The following SPTSSB variants were observed in gnomAD, a reference collection of about 807,000 sequenced individuals.
SPTSSB encodes androgen down regulated in mouse prostate.
In SPTSSB, 6 loss-of-function variants were observed where a neutral mutation model predicts 7.7. That is an observed-to-expected ratio of 0.78 (90% CI 0.43 to 1.54). The LOEUF (loss-of-function observed/expected upper bound fraction) is 1.54, where lower values mean the gene tolerates loss of function less well. Among genes scored for constraint, SPTSSB ranks in the 40% most tolerant of loss-of-function variants. The pLI, the probability that SPTSSB is intolerant of heterozygous loss-of-function variation, is 0.01. For missense variants in SPTSSB, 91 were observed against 93.0 expected, an observed-to-expected ratio of 0.98 and a Z score of 0.09; for synonymous variants, 28 against 29.7, an observed-to-expected ratio of 0.94 and a Z score of 0.19.
rs1169281173 is a variant in SPTSSB at position 161,364,507 on chromosome 3, C to T, written c.-125-4613G>A. 2.0e-5 allele frequency among the ~76,000 whole-genome samples: 3 copies of T among 152,164 alleles called. No homozygotes were observed. The East Asian group carries it at 5.8e-4, about 29-fold the overall frequency. ...TGTTGGTCACAAGTTAGCTTTTCATCTCATTTAGTTGGTAATAGATAACTC... is the reference window on the plus strand; with the variant it reads ...TGTTGGTCACAAGTTAGCTTTTCATTTCATTTAGTTGGTAATAGATAACTC... On this transcript the variant is annotated intron_variant, in intron 1 of 2. Transcript: ENST00000620149.
At chr3:161,351,624 A>C (rs1261950624) in intron 2 of SPTSSB, among the ~76,000 whole-genome samples, 1 of 152,086 alleles carries the variant, frequency 6.6e-6, no homozygotes, top group Non-Finnish European at 1.5e-5. Context: ...AGAGAGAGAG[A>C]GTCATATAAC....
chr3:161,351,629 T>A (rs1714543999), intron 2 of SPTSSB, among the ~76,000 whole-genome samples: 1 of 152,128 alleles, frequency 6.6e-6, no homozygotes, highest in African/African-American at 2.4e-5. Context: ...GAGAGAGTCA[T>A]ATAACTGAAA....
chr3:161,353,206 G>A (rs968573829), intron 2 of SPTSSB, among the ~76,000 whole-genome samples: 1 of 152,114 alleles, frequency 6.6e-6, no homozygotes, highest in Admixed American at 6.5e-5. Context: ...ATGGGTTTTA[G>A]CTCTTTAGAC....
chr3:161,364,767 A>G (rs189347542), intron 1 of SPTSSB, among the ~76,000 whole-genome samples: 1 of 152,226 alleles, frequency 6.6e-6, no homozygotes, highest in African/African-American at 2.4e-5. Context: ...GCACAATTAG[A>G]ATGTTCCAGA....
intron 1 of SPTSSB, among the ~76,000 whole-genome samples, chr3:161,369,639 G>A (rs1404088620): frequency 1.3e-5 from 2 of 151,920 alleles, no homozygotes; most frequent in Non-Finnish European, 2.9e-5. Context: ...GATGGTTGGA[G>A]GAAGAGAGCC....
At chr3:161,360,282 G>A (rs1714952390) in intron 1 of SPTSSB, among the ~76,000 whole-genome samples, 1 of 152,148 alleles carries the variant, frequency 6.6e-6, no homozygotes. Context: ...AATATTTCTT[G>A]ACTTTATTAA....
rs930600429 is a variant in SPTSSB at position 161,345,111 on chromosome 3, T to C, written c.*982A>G. The C allele has an allele frequency of 3.3e-5, 5 of 152,758 alleles. No individual in the cohort carries two copies. The highest frequency in any genetic ancestry group is 9.6e-5 in the African/African-American group (4 of 41,578). The allele number at this position is 152,758 out of a possible 1,614,324, so 9.5% of individuals were successfully genotyped here. ...CAGCAGTATAATTAAAACCTTATAT[T>C]TGTTTTAAAGATAAACAGTTTGAAG... On this transcript the variant is annotated 3_prime_UTR_variant, in exon 3 of 3. Coordinates refer to ENST00000620149, the MANE Select transcript of SPTSSB (RefSeq NM_001040100.2).
intron 2 of SPTSSB, among the ~76,000 whole-genome samples, chr3:161,358,037 A>G (rs1466873861): frequency 7.0e-6 from 1 of 142,416 alleles, no homozygotes; most frequent in Non-Finnish European, 1.5e-5. Flanking sequence ...AGGCAATAGA[A>G]ACTTTTGTTT....
At chr3:161,365,366 A>T (rs1715174995) in intron 1 of SPTSSB, among the ~76,000 whole-genome samples, 2 of 152,226 alleles carry the variant, frequency 1.3e-5, no homozygotes, top group African/African-American at 4.8e-5. Flanking sequence ...CAATTAAGCA[A>T]GCATCCACAC....
intron 1 of SPTSSB, among the ~76,000 whole-genome samples, chr3:161,367,685 A>G (rs1230516611): frequency 6.6e-6 from 1 of 152,224 alleles, no homozygotes; most frequent in Non-Finnish European, 1.5e-5. Flanking sequence ...GCTTTCTGAC[A>G]ATGACATGTT....
intron 2 of SPTSSB, among the ~76,000 whole-genome samples, chr3:161,349,493 A>C (rs74578094): frequency 0.028 from 4,324 of 152,338 alleles, 206 homozygotes; most frequent in African/African-American, 0.097. Flanking sequence ...TGAAATGCTT[A>C]CTTTATTCAG....
chr3:161,359,509 G>T (rs748182694), intron 2 of SPTSSB: 28 of 157,226 alleles, frequency 1.8e-4, no homozygotes, highest in Middle Eastern at 3.2e-3. Context: ...CAAGGACTTG[G>T]GGGGAGGGTC....
chr3:161,365,993 T>C (rs1041625914), intron 1 of SPTSSB, among the ~76,000 whole-genome samples: 5 of 152,218 alleles, frequency 3.3e-5, no homozygotes, highest in African/African-American at 4.8e-5. Flanking sequence ...TCACTTTCCA[T>C]AGTTCTGAAA....
intron 2 of SPTSSB, among the ~76,000 whole-genome samples, chr3:161,354,984 A>T (rs1039683724): frequency 1.3e-5 from 2 of 152,250 alleles, no homozygotes; most frequent in Admixed American, 1.3e-4. Flanking sequence ...AGAGTGCCAC[A>T]TACATTGATG....
chr3:161,347,800 G>A (rs778971415), intron 2 of SPTSSB, among the ~76,000 whole-genome samples: 2 of 151,980 alleles, frequency 1.3e-5, no homozygotes, highest in Non-Finnish European at 2.9e-5. Context: ...TTGAACCTGG[G>A]AGACCTGGGA....
intron 2 of SPTSSB, among the ~76,000 whole-genome samples, chr3:161,346,744 A>G (rs2108152234): frequency 6.6e-6 from 1 of 152,310 alleles, no homozygotes; most frequent in Middle Eastern, 3.4e-3. Context: ...CTTTTGAGAT[A>G]AGGTCCAAGG....
intron 1 of SPTSSB, among the ~76,000 whole-genome samples, chr3:161,369,260 T>C (rs977312548): frequency 1.3e-5 from 2 of 150,616 alleles, no homozygotes; most frequent in East Asian, 2.0e-4. Context: ...CTTTCTTTCT[T>C]TCTCTTTCTT....
At chr3:161,364,145 C>G (rs1715124676) in intron 1 of SPTSSB, among the ~76,000 whole-genome samples, 1 of 151,962 alleles carries the variant, frequency 6.6e-6, no homozygotes, top group Admixed American at 6.6e-5. Flanking sequence ...TAAAATTTCT[C>G]TATCTAAACA....
Position 161,346,294 on chromosome 3 carries a change from G to A in SPTSSB, c.30C>T (p.Phe10=), listed in dbSNP as rs190375996. ...TTTGGTATTGATAGTAGAGCCAGGA[G>A]AAATATTCCTTCACACGCCTCAAAT... MDLRRVKEY[F]SWLYYQYQII... The change falls in exon 3 of 3, where the codon TTC becomes TTT. Residue 10 remains phenylalanine, a synonymous_variant. Transcript: ENST00000620149. 6.2e-7 allele frequency: 1 copy of A among 1,613,628 alleles called. No homozygotes were observed. The highest frequency in any genetic ancestry group is 2.2e-5 in the East Asian group (1 of 44,858).
Sources: gnomAD v4.1 joint callset for allele counts (sites outside exome capture counted in the v4.1 genomes callset) on GRCh38, gnomAD v4.1.1 for gene constraint, MANE v1.5 for transcripts, NCBI Gene and HGNC (gene_info 2026-07-23, HGNC 2026-07-21) for gene names.